The following NEK7 variants were observed in gnomAD, a reference collection of about 807,000 sequenced individuals.
NEK7 encodes the protein serine/threonine-protein kinase Nek7.
A neutral mutation model predicts 44.6 loss-of-function variants in NEK7; 18 were observed. That is an observed-to-expected ratio of 0.40 (90% CI 0.28 to 0.60). NEK7 has a LOEUF of 0.60. Among genes scored for constraint, NEK7 ranks in the 20% least tolerant of loss-of-function variants. NEK7 has a pLI of 0.38. For missense variants in NEK7, 256 were observed against 366.5 expected, an observed-to-expected ratio of 0.70 and a Z score of 2.46; for synonymous variants, 130 against 121.1, an observed-to-expected ratio of 1.07 and a Z score of -0.48.
intron 9 of NEK7, among the ~76,000 whole-genome samples, chr1:198,315,209 C>G (rs140400248): frequency 0.082 from 12,542 of 152,218 alleles, 686 homozygotes; most frequent in East Asian, 0.17. Context: ...CAGGTGCCGT[C>G]TGTCACCCCT....
intron 1 of NEK7, among the ~76,000 whole-genome samples, chr1:198,178,248 C>A (rs1664661916): frequency 6.6e-6 from 1 of 151,990 alleles, no homozygotes; most frequent in Non-Finnish European, 1.5e-5. Flanking sequence ...GACTCAAGCC[C>A]TAATAACTAA....
intron 7 of NEK7, among the ~76,000 whole-genome samples, chr1:198,292,533 C>A (rs1654589704): frequency 6.6e-6 from 1 of 151,854 alleles, no homozygotes; most frequent in African/African-American, 2.4e-5. Flanking sequence ...TACTCATACT[C>A]TACTAAATTG....
intron 1 of NEK7, among the ~76,000 whole-genome samples, chr1:198,158,792 T>C (rs1204659900): frequency 6.6e-6 from 1 of 152,200 alleles, no homozygotes; most frequent in Non-Finnish European, 1.5e-5. Context: ...GAAGGAATTC[T>C]CTCTCCCTCG....
chr1:198,239,026 C>T (rs1311074459), intron 2 of NEK7, among the ~76,000 whole-genome samples: 2 of 152,150 alleles, frequency 1.3e-5, no homozygotes, highest in African/African-American at 2.4e-5. Flanking sequence ...GCTGTTGAAT[C>T]TGCGAATTCC....
chr1:198,256,741 CAT>C (rs1326358053), intron 3 of NEK7, among the ~76,000 whole-genome samples: 11 of 152,148 alleles, frequency 7.2e-5, no homozygotes, highest in African/African-American at 1.7e-4. Context: ...GATAGGCACT[CAT>C]GTGATAGGAG....
At chr1:198,234,976 A>G (rs1290959564) in intron 2 of NEK7, among the ~76,000 whole-genome samples, 1 of 152,104 alleles carries the variant, frequency 6.6e-6, no homozygotes, top group Non-Finnish European at 1.5e-5. Context: ...ATTTTAGAAG[A>G]CTGGGAAAGG....
intron 3 of NEK7, chr1:198,256,202 T>C: frequency 9.0e-7 from 1 of 1,106,006 alleles, no homozygotes; most frequent in East Asian, 2.8e-5. Flanking sequence ...AAATTTTTAA[T>C]GAGATACCAT....
intron 1 of NEK7, among the ~76,000 whole-genome samples, chr1:198,177,517 A>G (rs1158182727): frequency 6.6e-6 from 1 of 152,150 alleles, no homozygotes; most frequent in East Asian, 1.9e-4. Flanking sequence ...AAAATGTACT[A>G]TTAAGAGTTT....
intron 2 of NEK7, among the ~76,000 whole-genome samples, chr1:198,247,413 A>T (rs1345841713): frequency 6.6e-6 from 1 of 152,200 alleles, no homozygotes; most frequent in East Asian, 1.9e-4. Context: ...TCAACTAGAC[A>T]TTCACTTGGT....
intron 2 of NEK7, among the ~76,000 whole-genome samples, chr1:198,232,938 G>T (rs3814323): frequency 0.14 from 21,470 of 151,720 alleles, 1,974 homozygotes; most frequent in South Asian, 0.26. Context: ...GGTGCAGTTT[G>T]CCATTTTGAT....
At chr1:198,231,928 T>C (rs1434299709) in intron 1 of NEK7, among the ~76,000 whole-genome samples, 2 of 152,126 alleles carry the variant, frequency 1.3e-5, no homozygotes, top group Non-Finnish European at 2.9e-5. Flanking sequence ...AGTGCAAATG[T>C]AGTTCCTGGA....
chr1:198,186,256 A>G (rs558185821), intron 1 of NEK7, among the ~76,000 whole-genome samples: 8 of 152,322 alleles, frequency 5.3e-5, no homozygotes, highest in African/African-American at 1.9e-4. Flanking sequence ...ATGTTAAGGC[A>G]TATCGGTTGT....
chr1:198,238,167 C>T (rs993368420), intron 2 of NEK7, among the ~76,000 whole-genome samples: 8 of 152,148 alleles, frequency 5.3e-5, no homozygotes, highest in African/African-American at 1.9e-4. Context: ...TTTTTCCCCA[C>T]CTCCTTGCTT....
chr1:198,165,297 A>G (rs1004758527), intron 1 of NEK7, among the ~76,000 whole-genome samples: 1 of 152,222 alleles, frequency 6.6e-6, no homozygotes, highest in Admixed American at 6.5e-5. Context: ...AATCCTTTTC[A>G]GAAGGTTTTC....
At chr1:198,302,229 C>G (rs1297335122) in intron 9 of NEK7, among the ~76,000 whole-genome samples, 1 of 152,162 alleles carries the variant, frequency 6.6e-6, no homozygotes, top group Admixed American at 6.5e-5. Context: ...AGGTCACATT[C>G]AATCAAATAA....
rs191079837 is a variant in NEK7, at chr1:198,249,104, T to C, written c.58-3936T>C. Among the ~76,000 whole-genome samples the C allele has an allele frequency of 2.8e-4, 39 of 140,440 alleles. No homozygotes were observed. The South Asian group carries it at 7.4e-3, about 27-fold the overall frequency. 92.1% of individuals were successfully genotyped at this position (140,440 alleles called of 152,430 possible). Reference sequence around the variant, plus strand: ...CCCTTCCTGTGTCCATGTGTTCTCATTGTTCAATTCCTACCTGTGAGTGAG... The same window carrying C: ...CCCTTCCTGTGTCCATGTGTTCTCACTGTTCAATTCCTACCTGTGAGTGAG... On this transcript the variant is annotated intron_variant, in intron 2 of 9. Transcript: ENST00000367385.
intron 2 of NEK7, among the ~76,000 whole-genome samples, chr1:198,246,390 A>C (rs1490331061): frequency 6.6e-6 from 1 of 152,194 alleles, no homozygotes; most frequent in Non-Finnish European, 1.5e-5. Flanking sequence ...GGGGGGAAAA[A>C]GGTGCCGCAA....
At chr1:198,228,034 T>G (rs1416814910) in intron 1 of NEK7, among the ~76,000 whole-genome samples, 4 of 152,186 alleles carry the variant, frequency 2.6e-5, no homozygotes, top group Non-Finnish European at 4.4e-5. Context: ...CCATCTTGAA[T>G]TAATTTTTGT....
chr1:198,203,828 G>T (rs1041983645), intron 1 of NEK7, among the ~76,000 whole-genome samples: 2 of 151,438 alleles, frequency 1.3e-5, no homozygotes, highest in Non-Finnish European at 2.9e-5. Context: ...GACAGAGGTT[G>T]AATTCATTTT....
Sources: gnomAD v4.1 joint callset for allele counts (sites outside exome capture counted in the v4.1 genomes callset) on GRCh38, gnomAD v4.1.1 for gene constraint, MANE v1.5 for transcripts, NCBI Gene and HGNC (gene_info 2026-07-23, HGNC 2026-07-21) for gene names.